Variants in ST3GAL6 observed in about 807,000 individuals in gnomAD.
The protein encoded by ST3GAL6 is type 2 lactosamine alpha-2,3-sialyltransferase.
Under a neutral mutation model 40.5 loss-of-function variants are expected in ST3GAL6, and 31 were observed. The ratio of observed to expected loss-of-function variants is 0.77; its 90% CI spans 0.58 to 1.03. The LOEUF (loss-of-function observed/expected upper bound fraction) is 1.03. ST3GAL6 is among the 50% of genes least tolerant of loss of function. ST3GAL6 has a pLI of 0.00. For missense variants in ST3GAL6, 357 were observed against 393.2 expected, an observed-to-expected ratio of 0.91 and a Z score of 0.78; for synonymous variants, 129 against 136.9, an observed-to-expected ratio of 0.94 and a Z score of 0.40.
intron 6 of ST3GAL6, among the ~76,000 whole-genome samples, chr3:98,785,446 G>A (rs745687871): frequency 3.3e-5 from 5 of 152,170 alleles, no homozygotes; most frequent in Non-Finnish European, 7.3e-5. Context: ...TCTAAGCAGG[G>A]CCCAAGTGAC....
intron 1 of ST3GAL6, chr3:98,733,138 C>T (rs75864651): frequency 6.4e-6 from 8 of 1,258,340 alleles, no homozygotes; most frequent in Non-Finnish European, 8.2e-6. Context: ...GGACACGGAG[C>T]GCTGTTTGCC....
chr3:98,791,384 G>A (rs763065554), intron 8 of ST3GAL6, among the ~76,000 whole-genome samples: 3 of 152,092 alleles, frequency 2.0e-5, no homozygotes, highest in Non-Finnish European at 4.4e-5. Context: ...ATAGCTATTC[G>A]AAGGCGAATT....
At chr3:98,744,863 A>T (rs1405965359) in intron 1 of ST3GAL6, among the ~76,000 whole-genome samples, 2 of 152,108 alleles carry the variant, frequency 1.3e-5, no homozygotes, top group Admixed American at 1.3e-4. Flanking sequence ...CATGTCAAAG[A>T]TTCCTTCTTC....
rs1049246261 is a variant in ST3GAL6 at position 98,771,021 on chromosome 3, C to A, written c.167+65C>A. 31 of 1,574,120 alleles carry A rather than the reference C, an allele frequency of 2.0e-5. No homozygotes were observed. In the African/African-American group the frequency reaches 3.9e-4, roughly 20 times the overall value. On this transcript the variant is annotated intron_variant, in intron 3 of 9. Transcript: ENST00000483910. Reference sequence around the variant, plus strand: ...TCTAAATGTGCTTGTAATCATTTTCCACACTTGTTTATTTTTTTAATGCAA... The same window carrying A: ...TCTAAATGTGCTTGTAATCATTTTCAACACTTGTTTATTTTTTTAATGCAA...
chr3:98,777,876 G>T (rs918363244), intron 5 of ST3GAL6, among the ~76,000 whole-genome samples: 1 of 152,134 alleles, frequency 6.6e-6, no homozygotes, highest in Admixed American at 6.5e-5. Context: ...TCACAGAAAA[G>T]GAATACTAAA....
chr3:98,769,550 C>T (rs1239955200), intron 2 of ST3GAL6, among the ~76,000 whole-genome samples: 1 of 152,108 alleles, frequency 6.6e-6, no homozygotes, highest in African/African-American at 2.4e-5. Context: ...TGCTACTTTC[C>T]TACAAATCCT....
intron 1 of ST3GAL6, among the ~76,000 whole-genome samples, chr3:98,746,507 A>G (rs1936565967): frequency 6.6e-6 from 1 of 151,786 alleles, no homozygotes; most frequent in Non-Finnish European, 1.5e-5. Flanking sequence ...TGAATTTTGT[A>G]TTGTATTTTC....
intron 1 of ST3GAL6, among the ~76,000 whole-genome samples, chr3:98,745,088 T>C (rs111757581): frequency 8.5e-4 from 130 of 152,106 alleles, no homozygotes; most frequent in African/African-American, 3.1e-3. Flanking sequence ...GGCTGGGGTG[T>C]AGTGGTGTGA....
Position 98,782,506 on chromosome 3 carries a change from C to G in ST3GAL6, c.336-2439C>G, listed in dbSNP as rs1940231600. The G allele has an allele frequency of 5.0e-6, 3 of 601,068 alleles. No individual in the cohort carries two copies. In the South Asian group the frequency reaches 5.9e-5, roughly 12 times the overall value. The allele number at this position is 601,068 out of a possible 1,614,324, so 37.2% of individuals were successfully genotyped here. A position where few individuals can be genotyped will look rare whatever the true frequency, so the allele number is the denominator to read the frequency against. ...CATCCATACAAGATGAATTTACACT[C>G]TGAACCCCAGGAGGTCCTGCACGTA... On this transcript the variant is annotated intron_variant, in intron 5 of 9. Coordinates refer to ENST00000483910, the MANE Select transcript of ST3GAL6 (RefSeq NM_001323368.2).
upstream of ST3GAL6, among the ~76,000 whole-genome samples, chr3:98,760,651 T>C (rs1421195830): frequency 2.0e-5 from 3 of 152,152 alleles, no homozygotes; most frequent in Admixed American, 2.0e-4. Flanking sequence ...GCATGCAATA[T>C]AACTGAGATA....
intron 1 of ST3GAL6, among the ~76,000 whole-genome samples, chr3:98,741,221 GATT>G (rs1395430016): frequency 6.6e-6 from 1 of 151,890 alleles, no homozygotes; most frequent in African/African-American, 2.4e-5. Flanking sequence ...TGAAATCTGA[GATT>G]TTTTTTTTTT....
chr3:98,744,058 G>A (rs1023078077), intron 1 of ST3GAL6, among the ~76,000 whole-genome samples: 19 of 152,164 alleles, frequency 1.2e-4, no homozygotes, highest in Non-Finnish European at 1.9e-4. Flanking sequence ...GTGTCCAGGT[G>A]AAGACAGAAA....
At chr3:98,757,285 G>T (rs951954998) in intron 1 of ST3GAL6, among the ~76,000 whole-genome samples, 1 of 152,132 alleles carries the variant, frequency 6.6e-6, no homozygotes, top group African/African-American at 2.4e-5. Context: ...TAGTAGTGCT[G>T]GCCAATATGG....
Position 98,788,464 on chromosome 3 carries a change from G to T in ST3GAL6, c.756+1G>T. The T allele has an allele frequency of 6.2e-7, 1 of 1,605,704 alleles. No homozygotes were observed. Among genetic ancestry groups the T allele is most frequent in the Non-Finnish European group, 8.5e-7 (1 of 1,176,746 alleles). The stretch of plus-strand genomic sequence containing the variant: ...TCCAAAAGTGTTTCCCAAAAATCAG[G>T]TATGTATTTATCTCTGCATGGTTTC... On this transcript the variant is annotated splice_donor_variant, in intron 8 of 9. Coordinates refer to ENST00000483910, the MANE Select transcript of ST3GAL6 (RefSeq NM_001323368.2). LOFTEE classifies it high-confidence loss of function.
chr3:98,784,701 C>A (rs1483874971), intron 5 of ST3GAL6, among the ~76,000 whole-genome samples: 1 of 152,172 alleles, frequency 6.6e-6, no homozygotes, highest in East Asian at 1.9e-4. Flanking sequence ...GTATGAGAAT[C>A]AAATGAGAGA....
intron 5 of ST3GAL6, among the ~76,000 whole-genome samples, chr3:98,777,162 CAT>C (rs1198256681): frequency 2.6e-5 from 4 of 152,236 alleles, no homozygotes; most frequent in African/African-American, 9.6e-5. Context: ...GGGCGAAGGG[CAT>C]ACCCCAACCC....
intron 9 of ST3GAL6, among the ~76,000 whole-genome samples, chr3:98,792,276 C>T (rs1304447534): frequency 1.3e-5 from 2 of 152,180 alleles, no homozygotes; most frequent in African/African-American, 2.4e-5. Flanking sequence ...TATATTTGCA[C>T]TATTGAAATT....
At chr3:98,773,546 A>ATT (rs1410224301) in intron 4 of ST3GAL6, 1 of 161,744 alleles carries the variant, frequency 6.2e-6, no homozygotes, top group Non-Finnish European at 1.3e-5. Flanking sequence ...TGGGGGTTGT[A>ATT]TTTTTTTGTT....
chr3:98,762,697 G>T (rs1430169664), upstream of ST3GAL6: 8 of 656,062 alleles, frequency 1.2e-5, no homozygotes, highest in Non-Finnish European at 1.5e-5. Flanking sequence ...ATTATTAAAT[G>T]ATTATTTAAC....
Sources: allele counts gnomAD v4.1 joint callset (sites outside exome capture counted in the v4.1 genomes callset), GRCh38; gene constraint gnomAD v4.1.1; transcripts MANE v1.5; gene names NCBI Gene and HGNC (gene_info 2026-07-23, HGNC 2026-07-21).